Variants in CDKN2B-AS1 observed in about 807,000 individuals in gnomAD.
CDKN2B-AS1 encodes the protein CDKN2B and CDKN2A antisense cis and trans regulatory RNA 1.
At chr9:22,115,135 A>G (rs1243768373) in intron 4 of CDKN2B-AS1, among the ~76,000 whole-genome samples, 1 of 152,186 alleles carries the variant, frequency 6.6e-6, no homozygotes, top group Non-Finnish European at 1.5e-5. Flanking sequence ...CTTCATTAGT[A>G]TGTACCAATG....
At chr9:22,035,276 T>C (rs2131254210) in intron 1 of CDKN2B-AS1, among the ~76,000 whole-genome samples, 1 of 152,136 alleles carries the variant, frequency 6.6e-6, no homozygotes, top group Middle Eastern at 3.4e-3. Context: ...ATTTCATAAT[T>C]ATGAAACTAA....
At chr9:22,027,626 T>G (rs1199353501) in intron 1 of CDKN2B-AS1, among the ~76,000 whole-genome samples, 2 of 152,210 alleles carry the variant, frequency 1.3e-5, no homozygotes, top group Non-Finnish European at 2.9e-5. Context: ...TCTATGTTGA[T>G]TTATCCAATT....
intron 4 of CDKN2B-AS1, among the ~76,000 whole-genome samples, chr9:22,110,767 C>T (rs1415398958): frequency 6.6e-6 from 1 of 152,074 alleles, no homozygotes; most frequent in Non-Finnish European, 1.5e-5. Flanking sequence ...CCCTGTATTT[C>T]CTCCCCAATC....
chr9:22,052,222 C>A (rs982496512), intron 3 of CDKN2B-AS1, among the ~76,000 whole-genome samples: 1 of 152,066 alleles, frequency 6.6e-6, no homozygotes, highest in Non-Finnish European at 1.5e-5. Context: ...AATTTCGAGG[C>A]TGGATGGGGG....
At chr9:22,024,587 A>G (rs796221684) in intron 1 of CDKN2B-AS1, among the ~76,000 whole-genome samples, 118 of 152,322 alleles carry the variant, frequency 7.7e-4, no homozygotes, top group African/African-American at 2.7e-3. Flanking sequence ...CAGCATTACC[A>G]CAAGAGTGAG....
intron 4 of CDKN2B-AS1, among the ~76,000 whole-genome samples, chr9:22,084,809 A>T (rs954687202): frequency 3.3e-5 from 5 of 152,222 alleles, no homozygotes; most frequent in Admixed American, 6.5e-5. Context: ...TGCACAGGGC[A>T]TTCATTATGA....
chr9:22,074,715 A>G (rs182287212), intron 4 of CDKN2B-AS1, among the ~76,000 whole-genome samples: 1 of 152,148 alleles, frequency 6.6e-6, no homozygotes, highest in African/African-American at 2.4e-5. Context: ...GTTCTTCCCC[A>G]CCCACTACCT....
At chr9:22,031,967 A>G (rs1005840254) in intron 1 of CDKN2B-AS1, among the ~76,000 whole-genome samples, 1 of 152,252 alleles carries the variant, frequency 6.6e-6, no homozygotes, top group African/African-American at 2.4e-5. Flanking sequence ...CCTCAGTTCA[A>G]TATCCCTCAA....
Position 22,115,302 on chromosome 9 carries a change from T to C in CDKN2B-AS1, n.439-11801T>C, listed in dbSNP as rs1298102672. On this transcript the variant is annotated intron_variant and non_coding_transcript_variant, in intron 4 of 4. Transcript: ENST00000650946. ...GAGGGAAGACTGGGGAAGGTGTCCC[T>C]TAGTGAGCATATTTTGTACAAATGA... is the stretch of plus-strand genomic sequence containing the variant. 3.9e-5 allele frequency among the ~76,000 whole-genome samples: 6 copies of C among 152,174 alleles called. No individual in the cohort carries two copies. In the East Asian group the frequency reaches 1.2e-3, roughly 29 times the overall value.
chr9:22,096,722 C>T (rs954504394), intron 4 of CDKN2B-AS1, among the ~76,000 whole-genome samples: 11 of 152,176 alleles, frequency 7.2e-5, no homozygotes, highest in East Asian at 1.9e-4. Flanking sequence ...TCCAATCACA[C>T]GGAACTATGT....
chr9:22,114,635 C>T (rs1825897115), intron 4 of CDKN2B-AS1, among the ~76,000 whole-genome samples: 1 of 152,216 alleles, frequency 6.6e-6, no homozygotes, highest in Non-Finnish European at 1.5e-5. Flanking sequence ...AACGGACTTG[C>T]TTTAGTACAT....
chr9:22,107,672 T>G lies in CDKN2B-AS1; in HGVS notation n.439-19431T>G, dbSNP rs995495078. Among the ~76,000 whole-genome samples the G allele has an allele frequency of 1.8e-4, 28 of 152,326 alleles. 1 individual carries two copies. Among genetic ancestry groups the G allele is most frequent in the South Asian group, 8.3e-4 (4 of 4,828 alleles). ...TGTCCTGACTTTCTCCACCCAGCAC[T>G]GCAACCATACATACAATTTTCTGGT... On this transcript the variant is annotated intron_variant and non_coding_transcript_variant, in intron 4 of 4. Transcript: ENST00000650946.
chr9:22,087,124 C>T (rs954019620), intron 4 of CDKN2B-AS1, among the ~76,000 whole-genome samples: 1 of 152,168 alleles, frequency 6.6e-6, no homozygotes, highest in Non-Finnish European at 1.5e-5. Flanking sequence ...TCCCCTTTTT[C>T]TTGGAAATGT....
Position 22,056,258 on chromosome 9 carries a change from C to T in CDKN2B-AS1, n.309C>T, listed in dbSNP as rs1438345876. The T allele has an allele frequency of 8.8e-5, 11 of 125,008 alleles. No homozygotes were observed. The South Asian group carries it at 1.6e-3, about 18-fold the overall frequency. The allele number at this position is 125,008 out of a possible 1,614,324, so 7.7% of individuals were successfully genotyped here. On this transcript the variant is annotated non_coding_transcript_exon_variant, in exon 4 of 5. Coordinates refer to ENST00000650946, the Ensembl canonical transcript of CDKN2B-AS1. Reference sequence around the variant, plus strand: ...TATTTTTTTTTTTTTCCAGTAGAGACGGGGTTTCACCATGTTGGCCAGACT... The same window carrying T: ...TATTTTTTTTTTTTTCCAGTAGAGATGGGGTTTCACCATGTTGGCCAGACT...
rs769269963 is a variant in CDKN2B-AS1 at position 22,094,438 on chromosome 9, G to A, written n.439-32665G>A. Among the ~76,000 whole-genome samples the A allele has an allele frequency of 1.4e-5, 2 of 144,486 alleles. 1 individual carries two copies. Among genetic ancestry groups the A allele is most frequent in the East Asian group, 3.9e-4 (2 of 5,094 alleles). 94.8% of individuals were successfully genotyped at this position (144,486 alleles called of 152,430 possible). On this transcript the variant is annotated intron_variant and non_coding_transcript_variant, in intron 4 of 4. Transcript: ENST00000650946. Reference sequence around the variant, plus strand: ...TTTCCAACTTGGTTCCATTCTGCCCGTCACTTTCAGGTACTCCAATCAGAA... The same window carrying A: ...TTTCCAACTTGGTTCCATTCTGCCCATCACTTTCAGGTACTCCAATCAGAA...
chr9:22,125,335 TGAG>T (rs1199890165), intron 4 of CDKN2B-AS1, among the ~76,000 whole-genome samples: 1 of 152,254 alleles, frequency 6.6e-6, no homozygotes, highest in Non-Finnish European at 1.5e-5. Flanking sequence ...CATGCTATTT[TGAG>T]GAGATGTTTA....
At chr9:22,026,593 G>T (rs372119624) in intron 1 of CDKN2B-AS1, among the ~76,000 whole-genome samples, 1 of 152,210 alleles carries the variant, frequency 6.6e-6, no homozygotes, top group Admixed American at 6.5e-5. Flanking sequence ...ATCCTGTGAG[G>T]CGCTGTGGAA....
At chr9:22,058,053 G>C (rs936503361) in intron 4 of CDKN2B-AS1, among the ~76,000 whole-genome samples, 2 of 148,674 alleles carry the variant, frequency 1.3e-5, no homozygotes, top group Admixed American at 6.8e-5. Context: ...AATTAGCCAG[G>C]TGTGGTGGTG....
chr9:22,112,172 G>C (rs1825820291), intron 4 of CDKN2B-AS1: 1 of 152,176 alleles, frequency 6.6e-6, no homozygotes, highest in Admixed American at 6.5e-5. Context: ...ATTCCAGAAA[G>C]GACTGAACAA....
Sources: allele counts gnomAD v4.1 joint callset (sites outside exome capture counted in the v4.1 genomes callset), GRCh38; gene constraint gnomAD v4.1.1; transcripts MANE v1.5; gene names NCBI Gene and HGNC (gene_info 2026-07-23, HGNC 2026-07-21).